Variants in PLAC1 observed in about 807,000 individuals in gnomAD.
The protein encoded by PLAC1 is placenta associated 1, also known as placenta-specific protein 1.
For synonymous variants in PLAC1, 68 were observed against 62.1 expected (o/e 1.09, Z -0.44); for missense variants, 136 against 163.2 (o/e 0.83, Z 0.91).
At chrX:134,572,221 C>A (rs2077911812) in intron 2 of PLAC1, among the ~76,000 whole-genome samples, 1 of 111,607 alleles carries the variant, frequency 9.0e-6, no homozygotes, top group African/African-American at 3.3e-5. Context: ...TTTAAACATT[C>A]AAGCAGTCAC....
intron 1 of PLAC1, among the ~76,000 whole-genome samples, chrX:134,763,041 T>C (rs1382970475): frequency 1.8e-5 from 2 of 110,098 alleles, no homozygotes; most frequent in Non-Finnish European, 1.9e-5. Flanking sequence ...ATAACAGAAA[T>C]TAAACCACTG....
intron 2 of PLAC1, among the ~76,000 whole-genome samples, chrX:134,588,030 T>C (rs2078014450): frequency 8.9e-6 from 1 of 112,075 alleles, no homozygotes; most frequent in Non-Finnish European, 1.9e-5. Flanking sequence ...TGATTGACCC[T>C]AGAAAAGCCC....
chrX:134,708,534 C>T (rs368022191), intron 2 of PLAC1, among the ~76,000 whole-genome samples: 5 of 73,642 alleles, frequency 6.8e-5, no homozygotes, highest in South Asian at 9.1e-4. Context: ...CATTCTGTAT[C>T]TTTTTTTTTT....
At chrX:134,626,088 A>G (rs996851268) in intron 1 of PLAC1, among the ~76,000 whole-genome samples, 19 of 111,224 alleles carry the variant, frequency 1.7e-4, no homozygotes, top group African/African-American at 5.9e-4. Flanking sequence ...CAGCGACTTC[A>G]AGAGCCTGAA....
chrX:134,578,515 C>CTTTTTTTTTTTTTTT (rs766626696), intron 2 of PLAC1, among the ~76,000 whole-genome samples: 1 of 55,972 alleles, frequency 1.8e-5, no homozygotes, highest in Non-Finnish European at 3.0e-5. Flanking sequence ...TTCTTTCTTT[C>CTTTTTTTTTTTTTTT]TTTTTTTTTT....
At chrX:134,653,132 A>G (rs1218359729) in intron 1 of PLAC1, among the ~76,000 whole-genome samples, 5 of 112,508 alleles carry the variant, frequency 4.4e-5, no homozygotes, top group South Asian at 3.7e-4. Context: ...GCCATATATG[A>G]GAAGAGTCCT....
intron 1 of PLAC1, among the ~76,000 whole-genome samples, chrX:134,643,167 T>C (rs1303871924): frequency 8.9e-6 from 1 of 111,857 alleles, no homozygotes; most frequent in Admixed American, 9.5e-5. Flanking sequence ...ATTTGGAACG[T>C]AGATGAAATA....
At chrX:134,704,018 T>C (rs750499804) in intron 2 of PLAC1, among the ~76,000 whole-genome samples, 69 of 104,381 alleles carry the variant, frequency 6.6e-4, no homozygotes, top group African/African-American at 2.2e-3. Context: ...CAAGTTAATA[T>C]ACACATTAAC....
rs191491677 is a variant in PLAC1, at chrX:134,748,418, G to A, written n.90-14899C>T. 3.9e-3 allele frequency among the ~76,000 whole-genome samples: 425 copies of A among 110,329 alleles called. 3 individuals are homozygous for A. The highest frequency in any genetic ancestry group is 0.013 in the African/African-American group (400 of 30,300). ...ATCTAATTGTTCTCGAATTGCTTTA[G>A]AAGCTTCAGATCTGTAAACCCAACT... On this transcript the variant is annotated intron_variant and non_coding_transcript_variant, in intron 1 of 2. Coordinates refer to the PLAC1 transcript ENST00000466797.
At chrX:134,610,634 A>G (rs2078147848) in intron 1 of PLAC1, among the ~76,000 whole-genome samples, 2 of 111,085 alleles carry the variant, frequency 1.8e-5, no homozygotes, top group Admixed American at 9.6e-5. Context: ...TAGCATAACA[A>G]TCCATGCAGA....
At chrX:134,570,775 T>C (rs2077904094) in intron 2 of PLAC1, among the ~76,000 whole-genome samples, 1 of 111,861 alleles carries the variant, frequency 8.9e-6, no homozygotes, top group Admixed American at 9.5e-5. Flanking sequence ...ACAAGTAGCT[T>C]TCTGTTTTTT....
chrX:134,750,879 ATAAATATATATATATATATT>A (rs2078741744), intron 1 of PLAC1, among the ~76,000 whole-genome samples: 3 of 16,239 alleles, frequency 1.8e-4, no homozygotes, highest in African/African-American at 1.1e-3. Context: ...ATATATATTT[ATAAATATATATATATATATT>A]TATATATATA....
chrX:134,596,183 A>T (rs189651062), intron 2 of PLAC1, among the ~76,000 whole-genome samples: 61 of 103,718 alleles, frequency 5.9e-4, no homozygotes, highest in African/African-American at 2.0e-3. Context: ...CTCTACATGC[A>T]ATTAGAACTA....
At chrX:134,566,763 A>G in intron 2 of PLAC1, 23 bp from the exon 3 acceptor site, 2 of 767,571 alleles carry the variant, frequency 2.6e-6, no homozygotes, top group Non-Finnish European at 3.7e-6. Flanking sequence ...AAAACACAAG[A>G]GGCAAGTCAT....
chrX:134,594,904 C>T (rs1370882666), intron 2 of PLAC1, among the ~76,000 whole-genome samples: 1 of 105,570 alleles, frequency 9.5e-6, no homozygotes, highest in East Asian at 3.0e-4. Flanking sequence ...TTCTGCTTGC[C>T]TTATGTTTAT....
chrX:134,590,062 GTA>G (rs1230965243), intron 2 of PLAC1, among the ~76,000 whole-genome samples: 54 of 109,947 alleles, frequency 4.9e-4, no homozygotes, highest in African/African-American at 1.5e-3. Context: ...GGGCGTGGTG[GTA>G]CGTGCCTGTA....
intron 2 of PLAC1, among the ~76,000 whole-genome samples, chrX:134,586,208 G>A (rs759083260): frequency 9.0e-6 from 1 of 111,575 alleles, no homozygotes; most frequent in Non-Finnish European, 1.9e-5. Context: ...CTGCCCCACC[G>A]CCTGCCCTGC....
At chrX:134,756,218 T>G (rs1394144370) in intron 1 of PLAC1, among the ~76,000 whole-genome samples, 1 of 110,965 alleles carries the variant, frequency 9.0e-6, no homozygotes, top group African/African-American at 3.3e-5. Context: ...TTACTTTGAT[T>G]TTTATGTACT....
intron 2 of PLAC1, among the ~76,000 whole-genome samples, chrX:134,692,772 A>G (rs2078548080): frequency 9.0e-6 from 1 of 111,590 alleles, no homozygotes; most frequent in African/African-American, 3.3e-5. Context: ...AGTGAAAGGC[A>G]GGACCCTATC....
Sources: allele counts gnomAD v4.1 joint callset (sites outside exome capture counted in the v4.1 genomes callset), GRCh38; gene constraint gnomAD v4.1.1; transcripts MANE v1.5; gene names NCBI Gene and HGNC (gene_info 2026-07-23, HGNC 2026-07-21).